The following SCN10A variants were observed in gnomAD, a reference collection of about 807,000 sequenced individuals.
The protein encoded by SCN10A is sodium voltage-gated channel alpha subunit 10, also known as sodium channel protein type 10 subunit alpha.
SCN10A carries 162 observed loss-of-function variants against 170.7 expected under a neutral mutation model. The ratio of observed to expected loss-of-function variants is 0.95; its 90% confidence interval spans 0.84 to 1.08. SCN10A has a LOEUF of 1.08. Ranked by LOEUF, SCN10A falls within the 50% of genes least tolerant of loss-of-function variation. The pLI is 0.00. For missense variants in SCN10A, 2,527 were observed against 2,436.9 expected, an observed-to-expected ratio of 1.04 and a Z score of -0.78; for synonymous variants, 985 against 904.6, an observed-to-expected ratio of 1.09 and a Z score of -1.59.
intron 25 of SCN10A, 52 bp from the exon 26 acceptor site, chr3:38,707,435 C>T: frequency 1.3e-6 from 2 of 1,579,898 alleles, no homozygotes; most frequent in African/African-American, 2.7e-5. Flanking sequence ...CCTACGGATA[C>T]CAAAATCAGA....
intron 14 of SCN10A, among the ~76,000 whole-genome samples, chr3:38,741,228 G>A (rs1015981927): frequency 2.2e-4 from 34 of 152,078 alleles, no homozygotes; most frequent in Middle Eastern, 3.4e-3. Context: ...ACCCTGCTGC[G>A]GACATGAAGG....
intron 13 of SCN10A, 21 bp downstream of exon 13, chr3:38,750,052 A>G (rs371190261): frequency 1.4e-5 from 19 of 1,311,570 alleles, no homozygotes; most frequent in Non-Finnish European, 2.1e-5. Context: ...GTGGATGAAC[A>G]ATGCAGTGAG....
rs188400109 is a variant in SCN10A at position 38,792,185 on chromosome 3, C to T, written c.271-17G>A. 3 of 1,611,364 alleles carry T rather than the reference C, an allele frequency of 1.9e-6. No individual in the cohort carries two copies. In the African/African-American group the frequency reaches 4.0e-5, roughly 22 times the overall value. ...CATAAATGTCTGAAACAAAACAAAA[C>T]AGAAAGTGGACCTCCAATGAGAAAC... On this transcript the variant is annotated splice_polypyrimidine_tract_variant and intron_variant, in intron 2 of 27. Transcript: ENST00000449082.
intron 20 of SCN10A, among the ~76,000 whole-genome samples, chr3:38,721,020 G>C (rs1311630963): frequency 6.6e-6 from 1 of 152,176 alleles, no homozygotes; most frequent in Non-Finnish European, 1.5e-5. Flanking sequence ...CCTCCACCCA[G>C]GATGGCAGAC....
chr3:38,740,756 C>T (rs2063622213), intron 14 of SCN10A, among the ~76,000 whole-genome samples: 1 of 152,182 alleles, frequency 6.6e-6, no homozygotes, highest in South Asian at 2.1e-4. Context: ...GCACCTGACT[C>T]ATTGCAGGCA....
intron 15 of SCN10A, among the ~76,000 whole-genome samples, chr3:38,732,744 G>T (rs2063523844): frequency 6.6e-6 from 1 of 152,278 alleles, no homozygotes; most frequent in African/African-American, 2.4e-5. Context: ...TAGGGGAAGG[G>T]TTTATTAAAC....
At position 38,723,461 on chromosome 3, in the gene SCN10A, G is replaced by A; in HGVS notation, c.3321C>T (p.Asp1107=). ...TGAAGCAGTCATCTGGTTCTTCCAG[G>A]TCATCTGCCAGCTCAGGGATCTTCC... ...ILRKIPELAD[D]LEEPDDCFTE... Residue 1107 remains aspartate (D), a synonymous_variant, in exon 19 of 28, where the codon GAC becomes GAT. Coordinates refer to ENST00000449082, the MANE Select transcript of SCN10A (RefSeq NM_006514.4). 2 of 1,614,182 alleles carry A rather than the reference G, an allele frequency of 1.2e-6. No homozygotes were observed. The highest frequency in any genetic ancestry group is 2.2e-5 in the South Asian group (2 of 91,090).
intron 4 of SCN10A, among the ~76,000 whole-genome samples, chr3:38,776,354 T>C (rs1223327718): frequency 6.6e-6 from 1 of 152,120 alleles, no homozygotes; most frequent in African/African-American, 2.4e-5. Context: ...TTATCATTAT[T>C]GTTATGCTTC....
At chr3:38,759,465 C>T (rs2063844204) in intron 8 of SCN10A, among the ~76,000 whole-genome samples, 1 of 152,110 alleles carries the variant, frequency 6.6e-6, no homozygotes, top group Non-Finnish European at 1.5e-5. Flanking sequence ...TCCAGGAAGC[C>T]TTCCCTACTT....
chr3:38,753,080 C>G (rs956422826), intron 11 of SCN10A, among the ~76,000 whole-genome samples: 11 of 152,152 alleles, frequency 7.2e-5, no homozygotes, highest in African/African-American at 2.4e-4. Flanking sequence ...TCTAGGATCC[C>G]TCGAGGCTTG....
At chr3:38,775,814 T>C (rs1470725680) in intron 4 of SCN10A, among the ~76,000 whole-genome samples, 1 of 152,186 alleles carries the variant, frequency 6.6e-6, no homozygotes, top group African/African-American at 2.4e-5. Context: ...TTGTTTTTCT[T>C]GTTTCTTCTC....
At chr3:38,780,579 G>A (rs543219384) in intron 4 of SCN10A, among the ~76,000 whole-genome samples, 117 of 151,762 alleles carry the variant, frequency 7.7e-4, no homozygotes, top group Non-Finnish European at 1.4e-3. Flanking sequence ...GAAATTTGCC[G>A]TTTGATATTG....
At chr3:38,759,632 GT>G (rs1470721145) in intron 8 of SCN10A, among the ~76,000 whole-genome samples, 3 of 152,152 alleles carry the variant, frequency 2.0e-5, no homozygotes, top group Non-Finnish European at 4.4e-5. Context: ...GAAATATTTT[GT>G]TTGGCCCAAC....
chr3:38,807,265 C>A (rs1239044996), intron 1 of SCN10A, among the ~76,000 whole-genome samples: 1 of 152,092 alleles, frequency 6.6e-6, no homozygotes, highest in East Asian at 1.9e-4. Flanking sequence ...TTTGGGTAAT[C>A]AATTTAATAA....
Position 38,739,821 on chromosome 3 carries a change from TG to T in SCN10A, c.2107-134del, listed in dbSNP as rs555538871. Reference sequence around the variant, plus strand: ...TTTTGTTCAGTTGCTATGTTATCTGTGGGCTCCTGAGGATTGGCCAGGGTAA... The same window carrying T: ...TTTTGTTCAGTTGCTATGTTATCTGTGGCTCCTGAGGATTGGCCAGGGTAA... On this transcript the variant is annotated intron_variant, in intron 14 of 27. Coordinates refer to ENST00000449082, the MANE Select transcript of SCN10A (RefSeq NM_006514.4). 169 of 725,088 alleles carry T rather than the reference TG, an allele frequency of 2.3e-4. No individual in the cohort carries two copies. In the African/African-American group the frequency reaches 2.5e-3, roughly 11 times the overall value. The allele number at this position is 725,088 out of a possible 1,614,324, so 44.9% of individuals were successfully genotyped here. A position where few individuals can be genotyped will look rare whatever the true frequency, so the allele number is the denominator to read the frequency against.
chr3:38,795,368 G>A (rs1189755442), intron 1 of SCN10A, among the ~76,000 whole-genome samples: 4 of 144,582 alleles, frequency 2.8e-5, no homozygotes, highest in Non-Finnish European at 3.0e-5. Context: ...TTTGAGACAG[G>A]GTATCACTGT....
intron 4 of SCN10A, among the ~76,000 whole-genome samples, chr3:38,788,015 C>T (rs2064229329): frequency 6.6e-6 from 1 of 151,996 alleles, no homozygotes; most frequent in Non-Finnish European, 1.5e-5. Context: ...TTTATGACTG[C>T]ATAGCATTCC....
chr3:38,714,083 G>C lies in SCN10A; in HGVS notation c.3682-3C>G, dbSNP rs878989907. On this transcript the variant is annotated splice_region_variant and splice_polypyrimidine_tract_variant and intron_variant, in intron 21 of 27. Transcript: ENST00000449082. ...GCTGTGAGACTTATCAGTGAGATCT[G>C]AGTGCAGGAGAGGGCAGAAACATCA... 6.2e-7 allele frequency: 1 copy of C among 1,614,108 alleles called. No homozygotes were observed. Among genetic ancestry groups the C allele is most frequent in the Non-Finnish European group, 8.5e-7 (1 of 1,179,972 alleles).
At chr3:38,762,996 A>G (rs2063892555) in intron 6 of SCN10A, among the ~76,000 whole-genome samples, 1 of 151,956 alleles carries the variant, frequency 6.6e-6, no homozygotes, top group Non-Finnish European at 1.5e-5. Context: ...GGCCCCACAC[A>G]ATGAGCTTTG....
Sources: gnomAD v4.1 joint callset for allele counts (sites outside exome capture counted in the v4.1 genomes callset) on GRCh38, gnomAD v4.1.1 for gene constraint, MANE v1.5 for transcripts, NCBI Gene and HGNC (gene_info 2026-07-23, HGNC 2026-07-21) for gene names.